Variants in TRPC6 observed in about 807,000 individuals in gnomAD.
The protein encoded by TRPC6 is short transient receptor potential channel 6.
TRPC6 carries 55 observed loss-of-function variants against 90.7 expected under a neutral mutation model. The ratio of observed to expected loss-of-function variants is 0.61; its 90% CI spans 0.49 to 0.76. The LOEUF is 0.76. TRPC6 is among the 30% of genes least tolerant of loss of function. TRPC6 has a pLI of 0.00. For missense variants in TRPC6, 989 were observed against 1,122.7 expected, an observed-to-expected ratio of 0.88 and a Z score of 1.70; for synonymous variants, 393 against 393.0, an observed-to-expected ratio of 1.00 and a Z score of 0.00.
rs140496742 is a variant in TRPC6 at position 101,504,696 on chromosome 11, G to T, written c.273C>A (p.Arg91=). 6 of 1,595,484 alleles carry T rather than the reference G, an allele frequency of 3.8e-6. No individual in the cohort carries two copies. The highest frequency in any genetic ancestry group is 2.7e-5 in the African/African-American group (2 of 74,452). Residue 91 remains arginine (R), a synonymous_variant, in exon 2 of 13, where the codon CGC becomes CGA. Coordinates refer to ENST00000344327, the MANE Select transcript of TRPC6 (RefSeq NM_004621.6). Reference sequence around the variant, plus strand: ...CCTCCTCTATAGATAGGCTTGTGGAGCGATCACTAAACATGTATGCTGGTC... The same window carrying T: ...CCTCCTCTATAGATAGGCTTGTGGATCGATCACTAAACATGTATGCTGGTC... ...NRGPAYMFSD[R]STSLSIEEER...
intron 11 of TRPC6, among the ~76,000 whole-genome samples, chr11:101,454,001 T>A (rs1286677573): frequency 6.6e-6 from 1 of 152,208 alleles, no homozygotes; most frequent in East Asian, 1.9e-4. Flanking sequence ...ATTGCTTGTA[T>A]TTTATTTGAA....
intron 1 of TRPC6, among the ~76,000 whole-genome samples, chr11:101,581,124 C>T (rs997936166): frequency 2.6e-5 from 4 of 152,162 alleles, no homozygotes; most frequent in African/African-American, 9.7e-5. Context: ...TATTATAGTA[C>T]CTCTGACATC....
intron 10 of TRPC6, among the ~76,000 whole-genome samples, chr11:101,459,667 TAAAG>T (rs780816098): frequency 1.3e-5 from 2 of 152,162 alleles, no homozygotes; most frequent in Non-Finnish European, 2.9e-5. Context: ...TTTTCTATCA[TAAAG>T]AAAAGGCATT....
chr11:101,572,559 A>G (rs975569715), intron 1 of TRPC6, among the ~76,000 whole-genome samples: 5 of 152,176 alleles, frequency 3.3e-5, no homozygotes, highest in African/African-American at 4.8e-5. Context: ...ACATGCACAC[A>G]TATGTTTATT....
chr11:101,527,170 C>A (rs1241247057), intron 1 of TRPC6, among the ~76,000 whole-genome samples: 1 of 152,014 alleles, frequency 6.6e-6, no homozygotes, highest in Non-Finnish European at 1.5e-5. Flanking sequence ...TCATTTACTG[C>A]AATATATTAT....
At chr11:101,523,527 T>C (rs1860707811) in intron 1 of TRPC6, among the ~76,000 whole-genome samples, 1 of 152,206 alleles carries the variant, frequency 6.6e-6, no homozygotes, top group Admixed American at 6.5e-5. Flanking sequence ...AAATCAATAA[T>C]AGCAGAAATA....
In TRPC6 at chr11:101,472,129, G is replaced by A. The variant is rs376860273; in HGVS notation, c.2205+8C>T. On this transcript the variant is annotated splice_region_variant and intron_variant, in intron 8 of 12. Transcript: ENST00000344327. ...GGCACAAATTATAAAAATGTATTGA[G>A]ATTATACCTCAATTTCCTGGAATGA... The A allele has an allele frequency of 1.2e-6, 2 of 1,610,136 alleles. No homozygotes were observed. The highest frequency in any genetic ancestry group is 1.7e-6 in the Non-Finnish European group (2 of 1,178,574).
At chr11:101,466,747 G>A (rs185882328) in intron 10 of TRPC6, among the ~76,000 whole-genome samples, 116 of 152,244 alleles carry the variant, frequency 7.6e-4, no homozygotes, top group African/African-American at 2.7e-3. Context: ...AGGCACCACT[G>A]GGGTATGGGG....
chr11:101,516,392 C>T (rs1345891023), intron 1 of TRPC6, among the ~76,000 whole-genome samples: 1 of 152,062 alleles, frequency 6.6e-6, no homozygotes, highest in Non-Finnish European at 1.5e-5. Context: ...CTACCCATCC[C>T]CACTTAAGAA....
In TRPC6 at chr11:101,571,944, C is replaced by T. The variant is rs559589415; in HGVS notation, c.170+11390G>A. ...AGAAGAAAACCTAGGCAATACCATTCGGGACATAGGCATGGGCAAGGACTT... is the reference window on the plus strand; with the variant it reads ...AGAAGAAAACCTAGGCAATACCATTTGGGACATAGGCATGGGCAAGGACTT... On this transcript the variant is annotated intron_variant, in intron 1 of 12. Transcript: ENST00000344327. Among the ~76,000 whole-genome samples, 6 of 152,232 alleles carry T rather than the reference C, an allele frequency of 3.9e-5. No homozygotes were observed. The South Asian group carries it at 1.2e-3, about 32-fold the overall frequency.
At chr11:101,491,797 TCA>T in intron 2 of TRPC6, 59 bp from the exon 3 acceptor site, 2 of 1,423,090 alleles carry the variant, frequency 1.4e-6, no homozygotes, top group South Asian at 2.4e-5. Context: ...TTACTATGCT[TCA>T]GAGACTTGAA....
At chr11:101,548,280 A>ATATATATATATAATT (rs71303295) in intron 1 of TRPC6, among the ~76,000 whole-genome samples, 1,799 of 135,134 alleles carry the variant, frequency 0.013, 52 homozygotes, top group Non-Finnish European at 0.023. Flanking sequence ...TATAATTTAT[A>ATATATATATATAATT]TATATAATTA....
intron 1 of TRPC6, among the ~76,000 whole-genome samples, chr11:101,506,859 A>G (rs1860280430): frequency 6.6e-6 from 1 of 152,038 alleles, no homozygotes; most frequent in South Asian, 2.1e-4. Flanking sequence ...ATACATTTCA[A>G]TTTAACTATT....
chr11:101,520,800 T>G (rs1428087407), intron 1 of TRPC6, among the ~76,000 whole-genome samples: 2 of 152,224 alleles, frequency 1.3e-5, no homozygotes, highest in Non-Finnish European at 2.9e-5. Flanking sequence ...TTGGAGTCAC[T>G]GTGCCCTTGC....
At position 101,471,266 on chromosome 11, in the gene TRPC6, G is replaced by A; in HGVS notation, c.2326C>T (p.Leu776Phe). 1 of 1,613,938 alleles carries A rather than the reference G, an allele frequency of 6.2e-7. No individual in the cohort carries two copies. The highest frequency in any genetic ancestry group is 8.5e-7 in the Non-Finnish European group (1 of 1,179,886). The change falls in exon 9 of 13, where the codon CTC (leucine) becomes TTC (phenylalanine). Residue 776 changes from leucine to phenylalanine, a missense_variant. By Grantham distance (22) the Leu-to-Phe change is conservative. Around this residue, in one of 4 missense-constraint regions of TRPC6, gnomAD observed 191 missense variants for 196.7 expected, o/e 0.97. Coordinates refer to ENST00000344327, the MANE Select transcript of TRPC6 (RefSeq NM_004621.6). ...LVPSPKSLFY[L>F]LLKLKKWISE... ...ATCCATTTTTTAAGCTTCAGTAAGA[G>A]ATAAAACAGGGACTTTGGACTCGGC...
intron 1 of TRPC6, among the ~76,000 whole-genome samples, chr11:101,535,596 G>A (rs1232274523): frequency 2.0e-5 from 3 of 152,000 alleles, no homozygotes; most frequent in Non-Finnish European, 2.9e-5. Context: ...TAATAGTTTT[G>A]TTTACTTGTT....
intron 10 of TRPC6, among the ~76,000 whole-genome samples, chr11:101,465,126 T>A (rs1466918497): frequency 1.3e-5 from 2 of 152,218 alleles, no homozygotes; most frequent in Non-Finnish European, 2.9e-5. Context: ...CCCACTCTCT[T>A]CTGGCTTGTA....
chr11:101,521,367 C>T (rs1245698508), intron 1 of TRPC6, among the ~76,000 whole-genome samples: 1 of 152,206 alleles, frequency 6.6e-6, no homozygotes, highest in Non-Finnish European at 1.5e-5. Context: ...GCTTCCATGT[C>T]ATGATAAGCC....
intron 1 of TRPC6, among the ~76,000 whole-genome samples, chr11:101,569,835 C>A (rs1861918138): frequency 6.6e-6 from 1 of 152,062 alleles, no homozygotes; most frequent in African/African-American, 2.4e-5. Flanking sequence ...AACAAAGACA[C>A]AATGTACCAG....
Sources: allele counts gnomAD v4.1 joint callset (sites outside exome capture counted in the v4.1 genomes callset), GRCh38; gene constraint gnomAD v4.1.1; regional missense constraint gnomAD v4.1.1; transcripts MANE v1.5; gene names NCBI Gene and HGNC (gene_info 2026-07-23, HGNC 2026-07-21).